CCSER1: variants seen among roughly 807,000 people sequenced by gnomAD.
The protein encoded by CCSER1 is serine-rich coiled-coil domain-containing protein 1.
A neutral mutation model predicts 82.0 loss-of-function variants in CCSER1; 41 were observed. The ratio of observed to expected loss-of-function variants is 0.50; its 90% CI spans 0.39 to 0.65. The LOEUF is 0.65. Ranked by LOEUF, CCSER1 falls within the 30% of genes least tolerant of loss-of-function variation. CCSER1 has a pLI of 0.00. For missense variants in CCSER1, 1,119 were observed against 1,064.2 expected, an observed-to-expected ratio of 1.05 and a Z score of -0.72; for synonymous variants, 414 against 383.9, an observed-to-expected ratio of 1.08 and a Z score of -0.92.
intron 10 of CCSER1, among the ~76,000 whole-genome samples, chr4:91,280,183 G>A (rs1473572437): frequency 6.6e-6 from 1 of 152,206 alleles, no homozygotes; most frequent in Non-Finnish European, 1.5e-5. Context: ...CAGTAATGCT[G>A]GCACCAGTGT....
intron 10 of CCSER1, among the ~76,000 whole-genome samples, chr4:91,211,677 G>A (rs1736835003): frequency 6.6e-6 from 1 of 152,040 alleles, no homozygotes; most frequent in Non-Finnish European, 1.5e-5. Flanking sequence ...CTTGGGCAAT[G>A]ATAATTTTGG....
intron 7 of CCSER1, among the ~76,000 whole-genome samples, chr4:90,730,887 A>G (rs1055239492): frequency 3.3e-5 from 5 of 152,196 alleles, no homozygotes; most frequent in African/African-American, 1.2e-4. Flanking sequence ...TCACAGAGAA[A>G]TCTTATCATA....
rs572948513 is a variant in CCSER1 at position 91,151,033 on chromosome 4, C to T, written c.2217+65039C>T. ...TCTTTTTTTATTGATTGAATAGTTT[C>T]AGAAGGAATGGTAGCAGCTCCTCTT... On this transcript the variant is annotated intron_variant, in intron 10 of 10. Coordinates refer to ENST00000509176, the MANE Select transcript of CCSER1 (RefSeq NM_001145065.2). Among the ~76,000 whole-genome samples the T allele has an allele frequency of 1.1e-3, 165 of 152,214 alleles. 2 individuals carry two copies. The highest frequency in any genetic ancestry group is 3.7e-3 in the African/African-American group (154 of 41,530).
chr4:90,931,623 A>G (rs1164108780), intron 9 of CCSER1, among the ~76,000 whole-genome samples: 1 of 152,158 alleles, frequency 6.6e-6, no homozygotes, highest in Non-Finnish European at 1.5e-5. Context: ...TTGTCATGGT[A>G]GAGCTTTTGT....
intron 8 of CCSER1, among the ~76,000 whole-genome samples, chr4:90,816,483 G>GTGTTTTC (rs1759032553): frequency 6.6e-6 from 1 of 151,980 alleles, no homozygotes; most frequent in Non-Finnish European, 1.5e-5. Context: ...TTTTTTCTAA[G>GTGTTTTC]TATGTGTTTT....
At chr4:90,966,176 A>C (rs1734543190) in intron 9 of CCSER1, among the ~76,000 whole-genome samples, 1 of 152,136 alleles carries the variant, frequency 6.6e-6, no homozygotes, top group Non-Finnish European at 1.5e-5. Flanking sequence ...GTGAAGAGAA[A>C]GTGGCAGAAA....
chr4:91,076,333 T>G (rs926583365), intron 9 of CCSER1, among the ~76,000 whole-genome samples: 2 of 19,068 alleles, frequency 1.0e-4, no homozygotes, highest in Admixed American at 2.2e-3. Context: ...ACCATGCAGT[T>G]TTTTTTTTTT....
At chr4:91,382,248 A>G (rs115374002) in intron 10 of CCSER1, among the ~76,000 whole-genome samples, 2,981 of 152,252 alleles carry the variant, frequency 0.02, 73 homozygotes, top group African/African-American at 0.067. Flanking sequence ...TTTATGGGAT[A>G]AGGAAACCTG....
At chr4:90,618,436 A>G (rs564748096) in intron 5 of CCSER1, among the ~76,000 whole-genome samples, 77 of 151,970 alleles carry the variant, frequency 5.1e-4, no homozygotes, top group Non-Finnish European at 1.5e-4. Context: ...TATTTTTAAT[A>G]ATGTTTTTCA....
intron 10 of CCSER1, among the ~76,000 whole-genome samples, chr4:91,514,304 G>A (rs887769985): frequency 1.2e-4 from 19 of 152,096 alleles, no homozygotes; most frequent in East Asian, 1.2e-3. Flanking sequence ...TTTTAATTCC[G>A]CTGCAATCCC....
intron 10 of CCSER1, among the ~76,000 whole-genome samples, chr4:91,314,010 C>T (rs1745662621): frequency 6.6e-6 from 1 of 151,996 alleles, no homozygotes; most frequent in Non-Finnish European, 1.5e-5. Flanking sequence ...TACTACTGAA[C>T]AATTCCCTGA....
chr4:90,731,333 T>A lies in CCSER1; in HGVS notation c.2010+7342T>A, dbSNP rs999758529. Among the ~76,000 whole-genome samples, 5 of 152,290 alleles carry A rather than the reference T, an allele frequency of 3.3e-5. No individual in the cohort carries two copies. In the South Asian group the frequency reaches 6.2e-4, roughly 19 times the overall value. On this transcript the variant is annotated intron_variant, in intron 7 of 10. Transcript: ENST00000509176. ...TATTTGTTTGGTTGGCTTAATTGTG[T>A]TAGTAGTGAGGCAGTAATTGTGAAA... is the stretch of plus-strand genomic sequence containing the variant.
intron 10 of CCSER1, among the ~76,000 whole-genome samples, chr4:91,344,442 A>G (rs1747920338): frequency 6.6e-6 from 1 of 152,234 alleles, no homozygotes; most frequent in Non-Finnish European, 1.5e-5. Flanking sequence ...GATTTCTTCC[A>G]ATTTCTGATA....
At chr4:90,229,538 G>A (rs537543176) in intron 1 of CCSER1, among the ~76,000 whole-genome samples, 3 of 151,864 alleles carry the variant, frequency 2.0e-5, no homozygotes, top group East Asian at 1.9e-4. Flanking sequence ...AAAGACCATC[G>A]AGACTAGGAA....
chr4:91,218,508 C>A (rs988580780), intron 10 of CCSER1, among the ~76,000 whole-genome samples: 1 of 152,218 alleles, frequency 6.6e-6, no homozygotes, highest in African/African-American at 2.4e-5. Flanking sequence ...AGGGCTCTGA[C>A]GACTGCCAGC....
chr4:91,042,088 T>C (rs923874699), intron 9 of CCSER1, among the ~76,000 whole-genome samples: 7 of 152,196 alleles, frequency 4.6e-5, no homozygotes, highest in Admixed American at 3.3e-4. Flanking sequence ...GTTTGTGATA[T>C]GGTTTGGCTG....
intron 10 of CCSER1, among the ~76,000 whole-genome samples, chr4:91,514,468 T>C (rs1219735041): frequency 6.6e-6 from 1 of 152,222 alleles, no homozygotes; most frequent in Non-Finnish European, 1.5e-5. Context: ...GTCTGTTAGG[T>C]TGATCAAGTG....
Position 90,528,242 on chromosome 4 carries a change from T to G in CCSER1, c.1724+59888T>G, listed in dbSNP as rs373831611. Among the ~76,000 whole-genome samples, 5 of 152,292 alleles carry G rather than the reference T, an allele frequency of 3.3e-5. No individual in the cohort carries two copies. In the East Asian group the frequency reaches 7.7e-4, roughly 23 times the overall value. On this transcript the variant is annotated intron_variant, in intron 5 of 10. Transcript: ENST00000509176. ...AGTTGTGTGGCATGTTTTGCAGATT[T>G]TTTTTCTTTTTGCCTCACTAACTTA...
intron 10 of CCSER1, among the ~76,000 whole-genome samples, chr4:91,229,271 C>CA (rs933801249): frequency 5.5e-4 from 63 of 115,292 alleles, no homozygotes; most frequent in East Asian, 3.9e-3. Context: ...AAAAAAACCC[C>CA]AAAAAACAAA....
Sources: gnomAD v4.1 joint callset for allele counts (sites outside exome capture counted in the v4.1 genomes callset) on GRCh38, gnomAD v4.1.1 for gene constraint, MANE v1.5 for transcripts, NCBI Gene and HGNC (gene_info 2026-07-23, HGNC 2026-07-21) for gene names.